TMEM9: variants seen among roughly 807,000 people sequenced by gnomAD.
The protein encoded by TMEM9 is proton-transporting V-type ATPase complex assembly regulator TMEM9.
A neutral mutation model predicts 22.8 loss-of-function variants in TMEM9; 13 were observed. The observed-to-expected ratio is 0.57, with a 90% CI of 0.37 to 0.91. The LOEUF is 0.91. TMEM9 is among the 40% of genes least tolerant of loss of function. TMEM9 has a pLI of 0.01. For synonymous variants in TMEM9, 88 were observed against 93.0 expected, an observed-to-expected ratio of 0.95 and a Z score of 0.31; for missense variants, 182 against 238.1, an observed-to-expected ratio of 0.76 and a Z score of 1.55.
At chr1:201,147,290 T>A (rs1160886581) in intron 2 of TMEM9, among the ~76,000 whole-genome samples, 1 of 152,112 alleles carries the variant, frequency 6.6e-6, no homozygotes, top group Admixed American at 6.5e-5. Context: ...GACCATGAAC[T>A]CTACACCCGC....
At chr1:201,138,319 C>T (rs1414224464) in intron 4 of TMEM9, among the ~76,000 whole-genome samples, 1 of 152,200 alleles carries the variant, frequency 6.6e-6, no homozygotes, top group Non-Finnish European at 1.5e-5. Flanking sequence ...AAAGTCTTAA[C>T]AAACAGCTCC....
intron 1 of TMEM9, among the ~76,000 whole-genome samples, chr1:201,165,127 T>C (rs73083007): frequency 0.018 from 2,453 of 136,998 alleles, 74 homozygotes; most frequent in African/African-American, 0.063. Flanking sequence ...ACACATCACA[T>C]TTTATCACTT....
chr1:201,138,514 G>A (rs1380617485), intron 4 of TMEM9, among the ~76,000 whole-genome samples: 1 of 152,172 alleles, frequency 6.6e-6, no homozygotes, highest in Non-Finnish European at 1.5e-5. Context: ...CTCTCCCTCT[G>A]AGGCTGGGCC....
At chr1:201,136,526 C>G (rs1664000350) in intron 4 of TMEM9, among the ~76,000 whole-genome samples, 1 of 152,108 alleles carries the variant, frequency 6.6e-6, no homozygotes, top group South Asian at 2.1e-4. Flanking sequence ...CAGAGCCGCC[C>G]CAGCATTCCC....
At chr1:201,171,362 G>C (rs370777341) in intron 1 of TMEM9, 2 of 152,328 alleles carry the variant, frequency 1.3e-5, no homozygotes, top group East Asian at 1.9e-4. Flanking sequence ...CGCGCCTGGA[G>C]GTCACCGCTC....
At chr1:201,148,645 C>T (rs947201655) in intron 2 of TMEM9, among the ~76,000 whole-genome samples, 9 of 152,232 alleles carry the variant, frequency 5.9e-5, no homozygotes, top group South Asian at 2.1e-4. Context: ...TTCTGAGCTA[C>T]AGGGCTGGGT....
intron 3 of TMEM9, among the ~76,000 whole-genome samples, chr1:201,146,380 T>C (rs537675675): frequency 2.0e-5 from 3 of 152,328 alleles, no homozygotes; most frequent in African/African-American, 4.8e-5. Flanking sequence ...AACCTCCCCA[T>C]TGGCAGCATC....
At chr1:201,168,967 C>CTT (rs5780055) in intron 1 of TMEM9, among the ~76,000 whole-genome samples, 62,422 of 128,498 alleles carry the variant, frequency 0.49, 15,731 homozygotes, top group African/African-American at 0.56. Flanking sequence ...AATTATATTA[C>CTT]TTTTTTTTTT....
intron 1 of TMEM9, among the ~76,000 whole-genome samples, chr1:201,160,543 C>T (rs990803545): frequency 3.3e-5 from 5 of 151,716 alleles, no homozygotes; most frequent in East Asian, 1.9e-4. Context: ...GAGCCGAGAT[C>T]GCGCCATTGC....
At chr1:201,151,921 A>G (rs1665454346) in intron 1 of TMEM9, 69 bp from the exon 2 acceptor site, 1 of 1,220,608 alleles carries the variant, frequency 8.2e-7, no homozygotes, top group Non-Finnish European at 1.2e-6. Flanking sequence ...AGGCTCTAGC[A>G]AGGTTGTCAA....
chr1:201,150,446 C>T (rs547757074), intron 2 of TMEM9, among the ~76,000 whole-genome samples: 87 of 152,278 alleles, frequency 5.7e-4, no homozygotes, highest in Non-Finnish European at 9.8e-4. Context: ...CTGACCTGTG[C>T]ACATACACGC....
chr1:201,167,130 ATTG>A (rs1666097800), intron 1 of TMEM9, among the ~76,000 whole-genome samples: 1 of 152,240 alleles, frequency 6.6e-6, no homozygotes, highest in Non-Finnish European at 1.5e-5. Context: ...GGTTCAATGA[ATTG>A]TTACTATAAC....
At chr1:201,136,055 C>A (rs1411053903) in intron 4 of TMEM9, among the ~76,000 whole-genome samples, 3 of 152,130 alleles carry the variant, frequency 2.0e-5, no homozygotes, top group African/African-American at 7.2e-5. Context: ...GGGCCCCTGC[C>A]CCTCCCTGGG....
intron 2 of TMEM9, among the ~76,000 whole-genome samples, chr1:201,150,429 ATAGT>A (rs772866150): frequency 1.8e-4 from 28 of 152,346 alleles, no homozygotes; most frequent in South Asian, 1.0e-3. Flanking sequence ...TCTAAGTGCT[ATAGT>A]TACTGACCTG....
At chr1:201,165,476 C>G (rs1033507031) in intron 1 of TMEM9, among the ~76,000 whole-genome samples, 8 of 149,770 alleles carry the variant, frequency 5.3e-5, no homozygotes, top group Admixed American at 2.7e-4. Context: ...CTTGCTCTGT[C>G]GCCAGGCTGG....
chr1:201,143,688 C>T (rs1002614485), intron 4 of TMEM9, 132 bp downstream of exon 4: 13 of 841,924 alleles, frequency 1.5e-5, no homozygotes, highest in African/African-American at 1.3e-4. Context: ...GTGATGTGTA[C>T]GACACTGACC....
intron 1 of TMEM9, among the ~76,000 whole-genome samples, chr1:201,166,178 G>A (rs987703933): frequency 6.6e-6 from 1 of 152,046 alleles, no homozygotes; most frequent in African/African-American, 2.4e-5. Flanking sequence ...TTGCTTTCTT[G>A]CAATGTGTTT....
At chr1:201,170,621 G>C (rs1481999139) in intron 1 of TMEM9, among the ~76,000 whole-genome samples, 1 of 152,174 alleles carries the variant, frequency 6.6e-6, no homozygotes, top group East Asian at 1.9e-4. Flanking sequence ...TCGGATGTCT[G>C]CTATGTGTCA....
Position 201,153,984 on chromosome 1 carries a change from A to G in TMEM9, c.-61T>C. The G allele has an allele frequency of 6.4e-7, 1 of 1,555,708 alleles. No homozygotes were observed. The highest frequency in any genetic ancestry group is 8.7e-7 in the Non-Finnish European group (1 of 1,150,106). On this transcript the variant is annotated 5_prime_UTR_variant, in exon 1 of 5. Transcript: ENST00000367330. ...CCTGGAAAAAGAGATACGGAGTCGG[A>G]GAAGGGGAAGGTGGCCACACCGCAG... is the stretch of plus-strand genomic sequence containing the variant.
Sources: gnomAD v4.1 joint callset for allele counts (sites outside exome capture counted in the v4.1 genomes callset) on GRCh38, gnomAD v4.1.1 for gene constraint, MANE v1.5 for transcripts, NCBI Gene and HGNC (gene_info 2026-07-23, HGNC 2026-07-21) for gene names.